The following STON2 variants were observed in gnomAD, a reference collection of about 807,000 sequenced individuals.
The protein encoded by STON2 is stonin 2.
In STON2, 29 loss-of-function variants were observed where a neutral mutation model predicts 65.7. That is an observed-to-expected ratio of 0.44 (90% CI 0.33 to 0.60). STON2 has a LOEUF of 0.60. Ranked by LOEUF, STON2 falls within the 20% of genes least tolerant of loss-of-function variation. STON2 has a pLI of 0.03. For missense variants in STON2, 1,054 were observed against 1,118.1 expected (o/e 0.94, Z 0.82); for synonymous variants, 404 against 414.2 (o/e 0.98, Z 0.30).
At chr14:81,377,153 C>T (rs1303832947) in intron 3 of STON2, among the ~76,000 whole-genome samples, 1 of 152,190 alleles carries the variant, frequency 6.6e-6, no homozygotes, top group African/African-American at 2.4e-5. Context: ...CCATTTCCCT[C>T]CTACCTTGCC....
At chr14:81,269,580 A>G in intron 7 of STON2, 1 of 985,366 alleles carries the variant, frequency 1.0e-6, no homozygotes, top group Non-Finnish European at 1.2e-6. Flanking sequence ...GTCAGGTTTG[A>G]GGGAGGTGCT....
intron 3 of STON2, among the ~76,000 whole-genome samples, chr14:81,384,249 ATTTAT>A (rs1303539784): frequency 6.6e-6 from 1 of 151,122 alleles, no homozygotes; most frequent in African/African-American, 2.4e-5. Flanking sequence ...TTATTTATTT[ATTTAT>A]TTTATTTTTT....
Position 81,267,681 on chromosome 14 carries a change from TC to T in STON2, c.*732del, listed in dbSNP as rs1894409759. The T allele has an allele frequency of 1.0e-6, 1 of 985,236 alleles. No individual in the cohort carries two copies. The highest frequency in any genetic ancestry group is 1.2e-6 in the Non-Finnish European group (1 of 829,916). 61.0% of individuals were successfully genotyped at this position (985,236 alleles called of 1,614,324 possible). The stretch of plus-strand genomic sequence containing the variant: ...AAGAAAACTAAGATTAATTTTGCCT[TC>T]CCCTCAACACCCATTTTGCAGAATG... On this transcript the variant is annotated 3_prime_UTR_variant, in exon 8 of 8. Transcript: ENST00000614646.
At chr14:81,321,547 A>T (rs1896822785) in intron 5 of STON2, among the ~76,000 whole-genome samples, 1 of 152,128 alleles carries the variant, frequency 6.6e-6, no homozygotes. Context: ...TGCCTCTTTA[A>T]ATATACAGTT....
intron 4 of STON2, among the ~76,000 whole-genome samples, chr14:81,367,892 T>C (rs1898812590): frequency 6.6e-6 from 1 of 152,212 alleles, no homozygotes; most frequent in Admixed American, 6.5e-5. Flanking sequence ...TCCTGGGTCC[T>C]AGCTTAATTA....
chr14:81,353,742 T>C (rs545608637), intron 4 of STON2, among the ~76,000 whole-genome samples: 6 of 151,786 alleles, frequency 4.0e-5, no homozygotes, highest in African/African-American at 1.4e-4. Context: ...CACCAAGACC[T>C]GTGTCCAGAA....
intron 4 of STON2, among the ~76,000 whole-genome samples, chr14:81,330,701 A>G (rs975884067): frequency 6.6e-6 from 1 of 152,158 alleles, no homozygotes; most frequent in African/African-American, 2.4e-5. Flanking sequence ...TTAGCACTTA[A>G]TTGGTGGCTA....
chr14:81,323,457 A>T lies in STON2; in HGVS notation c.742+560T>A, dbSNP rs1033685624. On this transcript the variant is annotated intron_variant, in intron 5 of 7. Transcript: ENST00000614646. ...TTTTTTCTTCCCATTAGCACCACAG[A>T]TTTAATTCAATACCTTCATGTTCAC... 19 of 152,294 alleles carry T rather than the reference A, an allele frequency of 1.2e-4. 1 individual carries two copies. The highest frequency in any genetic ancestry group is 4.3e-4 in the African/African-American group (18 of 41,540). The allele number at this position is 152,294 out of a possible 1,614,324, so 9.4% of individuals were successfully genotyped here. A position where few individuals can be genotyped will look rare whatever the true frequency, so the allele number is the denominator to read the frequency against.
intron 7 of STON2, chr14:81,269,696 A>C: frequency 1.0e-6 from 1 of 985,280 alleles, no homozygotes. Context: ...TCACCATATA[A>C]ATCCAAGGAT....
At chr14:81,346,273 T>C (rs1897806325) in intron 4 of STON2, among the ~76,000 whole-genome samples, 1 of 151,914 alleles carries the variant, frequency 6.6e-6, no homozygotes, top group Non-Finnish European at 1.5e-5. Flanking sequence ...GCCCCTGAGG[T>C]AGTGAGGTGG....
At chr14:81,316,862 T>C (rs1206569230) in intron 5 of STON2, among the ~76,000 whole-genome samples, 2 of 151,756 alleles carry the variant, frequency 1.3e-5, no homozygotes, top group Non-Finnish European at 2.9e-5. Context: ...CTACCAAAAA[T>C]ACAAAAAATT....
At chr14:81,323,933 T>C (rs1896912673) in intron 5 of STON2, among the ~76,000 whole-genome samples, 84 bp downstream of exon 5, 1 of 151,026 alleles carries the variant, frequency 6.6e-6, no homozygotes, top group South Asian at 2.1e-4. Flanking sequence ...TCAGAAATTC[T>C]GCCATCTAAA....
At chr14:81,360,101 T>TTTTTAATG (rs1431298614) in intron 4 of STON2, among the ~76,000 whole-genome samples, 6 of 152,084 alleles carry the variant, frequency 3.9e-5, no homozygotes, top group African/African-American at 1.4e-4. Flanking sequence ...AAAAGAAATG[T>TTTTTAATG]TTTTAAATAA....
intron 4 of STON2, chr14:81,333,207 G>T (rs1322534431): frequency 4.2e-5 from 42 of 1,000,114 alleles, no homozygotes; most frequent in Non-Finnish European, 6.1e-5. Flanking sequence ...CATCCAGTGT[G>T]GTCTTGTACA....
chr14:81,394,010 G>C (rs937082973), intron 3 of STON2, among the ~76,000 whole-genome samples: 16 of 152,152 alleles, frequency 1.1e-4, no homozygotes, highest in Non-Finnish European at 2.4e-4. Flanking sequence ...GGCCAACATG[G>C]CAAAATCCTG....
At chr14:81,372,195 A>C (rs1899028527) in intron 3 of STON2, among the ~76,000 whole-genome samples, 1 of 152,172 alleles carries the variant, frequency 6.6e-6, no homozygotes, top group Non-Finnish European at 1.5e-5. Flanking sequence ...GAAACTTTCG[A>C]ATTCTCCTAA....
At chr14:81,389,172 C>G (rs1271984423) in intron 3 of STON2, among the ~76,000 whole-genome samples, 2 of 152,180 alleles carry the variant, frequency 1.3e-5, no homozygotes, top group African/African-American at 4.8e-5. Context: ...TGCAACTATA[C>G]ATTATATATA....
At chr14:81,377,953 T>A (rs1490023286) in intron 3 of STON2, among the ~76,000 whole-genome samples, 2 of 152,016 alleles carry the variant, frequency 1.3e-5, no homozygotes, top group Non-Finnish European at 2.9e-5. Flanking sequence ...GTTCAAGCAA[T>A]TCTCCTGCCT....
At chr14:81,390,786 C>T (rs1900044350) in intron 3 of STON2, among the ~76,000 whole-genome samples, 1 of 152,196 alleles carries the variant, frequency 6.6e-6, no homozygotes, top group Admixed American at 6.5e-5. Context: ...TATTCTCTCA[C>T]AGTTCTGGAA....
Sources: allele counts gnomAD v4.1 joint callset (sites outside exome capture counted in the v4.1 genomes callset), GRCh38; gene constraint gnomAD v4.1.1; transcripts MANE v1.5; gene names NCBI Gene and HGNC (gene_info 2026-07-23, HGNC 2026-07-21).